The following SCARA3 variants were observed in gnomAD, a reference collection of about 807,000 sequenced individuals.
The protein encoded by SCARA3 is cellular stress response gene protein.
Under a neutral mutation model 47.0 loss-of-function variants are expected in SCARA3, and 39 were observed. The observed-to-expected ratio is 0.83, with a 90% CI of 0.64 to 1.08. The LOEUF is 1.08. Ranked by LOEUF, SCARA3 falls within the 50% of genes least tolerant of loss-of-function variation. SCARA3 has a pLI of 0.00. For synonymous variants in SCARA3, 356 were observed against 334.1 expected (o/e 1.07, Z -0.71); for missense variants, 724 against 792.3 (o/e 0.91, Z 1.04).
At chr8:27,715,078 C>G in the SCARA3 span, among the ~76,000 whole-genome samples, 3 of 152,220 alleles carry the variant, frequency 2.0e-5, no homozygotes, top group East Asian at 5.8e-4. The surrounding 1 kb of genome is among the most constrained non-coding windows in gnomAD (Gnocchi z 4.2). Flanking sequence ...AGCCACCATG[C>G]CTGGCTAAAT....
At chr8:27,660,693 TGATA>T (rs200533534) in intron 5 of SCARA3, among the ~76,000 whole-genome samples, 7,663 of 89,308 alleles carry the variant, frequency 0.086, 252 homozygotes, top group East Asian at 0.13. Flanking sequence ...GAGTGATAGA[TGATA>T]GATAGATAGA....
chr8:27,722,918 T>C, the SCARA3 span, among the ~76,000 whole-genome samples: 1 of 152,160 alleles, frequency 6.6e-6, no homozygotes, highest in Non-Finnish European at 1.5e-5. Context: ...TGACTTCAGG[T>C]GATATGGCCG....
At chr8:27,678,761 A>G (rs184420906), downstream of SCARA3, among the ~76,000 whole-genome samples, 183 of 152,348 alleles carry the variant, frequency 1.2e-3, no homozygotes, top group Non-Finnish European at 1.8e-3. Flanking sequence ...GAAATTATAA[A>G]CTGGTATCCT....
chr8:27,696,292 G>A, the SCARA3 span, among the ~76,000 whole-genome samples: 5 of 152,250 alleles, frequency 3.3e-5, no homozygotes, highest in Non-Finnish European at 5.9e-5. Flanking sequence ...TTACAAGCAT[G>A]AGCCATCATG....
the SCARA3 span, among the ~76,000 whole-genome samples, chr8:27,693,510 G>A: frequency 6.6e-6 from 1 of 152,276 alleles, no homozygotes; most frequent in African/African-American, 2.4e-5. Context: ...GATTTGAGCT[G>A]GAGAGATGTT....
At chr8:27,635,630 T>TC (rs1458159270) in intron 1 of SCARA3, among the ~76,000 whole-genome samples, 1 of 151,684 alleles carries the variant, frequency 6.6e-6, no homozygotes, top group Non-Finnish European at 1.5e-5. Flanking sequence ...GATTTTTTTT[T>TC]TTTTTGATAG....
chr8:27,656,990 G>A, intron 4 of SCARA3, 110 bp downstream of exon 4: 2 of 721,210 alleles, frequency 2.8e-6, no homozygotes, highest in East Asian at 2.6e-5. Flanking sequence ...AGCCTTCTAG[G>A]CACAGAGGCT....
In SCARA3 at chr8:27,658,748, G is replaced by A. The variant is rs1801816655; in HGVS notation, c.578G>A (p.Arg193Lys). ...QSLGLFLAQVRGWQATTAGLD... is the reference protein window; with the variant it reads ...QSLGLFLAQVKGWQATTAGLD... The stretch of plus-strand genomic sequence containing the variant: ...CTGGGGCTCTTCCTGGCCCAGGTGA[G>A]AGGCTGGCAGGCCACCACAGCTGGC... Residue 193 changes from arginine to lysine, a missense_variant, in exon 5 of 6, where the codon AGA (arginine) becomes AAA (lysine). By Grantham distance (26) the Arg-to-Lys change is conservative (BLOSUM62 2). Transcript: ENST00000301904. 2 of 1,614,108 alleles carry A rather than the reference G, an allele frequency of 1.2e-6. No homozygotes were observed. Among genetic ancestry groups the A allele is most frequent in the East Asian group, 4.5e-5 (2 of 44,874 alleles).
intron 1 of SCARA3, 123 bp downstream of exon 1, chr8:27,634,330 T>C: frequency 1.2e-6 from 1 of 861,398 alleles, no homozygotes; most frequent in Non-Finnish European, 1.5e-6. Context: ...CTCTGGCTTT[T>C]CCCCTGCCTT....
rs202229371 is a variant in SCARA3 at position 27,671,186 on chromosome 8, G to T, written c.1656G>T (p.Pro552=). 1 of 1,515,760 alleles carries T rather than the reference G, an allele frequency of 6.6e-7. No homozygotes were observed. Among genetic ancestry groups the T allele is most frequent in the Middle Eastern group, 2.1e-4 (1 of 4,680 alleles). The allele number at this position is 1,515,760 out of a possible 1,614,324, so 93.9% of individuals were successfully genotyped here. Residue 552 remains proline (P), a synonymous_variant, in exon 6 of 6, where the codon CCG becomes CCT. Coordinates refer to ENST00000301904, the MANE Select transcript of SCARA3 (RefSeq NM_016240.3). Reference sequence around the variant, plus strand: ...GGCCCCCAGGGCCAGAAGGGCCCCCGGGGTCTCCAGGGCCCTCAGGGCCTC... The same window carrying T: ...GGCCCCCAGGGCCAGAAGGGCCCCCTGGGTCTCCAGGGCCCTCAGGGCCTC... ...DIGPPGPEGP[P]GSPGPSGPQG...
Position 27,639,949 on chromosome 8 carries a change from G to A in SCARA3, c.7+5742G>A, listed in dbSNP as rs183095530. 3.3e-5 allele frequency among the ~76,000 whole-genome samples: 5 copies of A among 152,198 alleles called. No individual in the cohort carries two copies. The East Asian group carries it at 5.8e-4, about 18-fold the overall frequency. On this transcript the variant is annotated intron_variant, in intron 1 of 5. Coordinates refer to ENST00000301904, the MANE Select transcript of SCARA3 (RefSeq NM_016240.3). Reference sequence around the variant, plus strand: ...GGCTGAGTGGATCAGAAGCAAAGGCGCAGGAGGAGCTGTGTCCTTAGAGTG... The same window carrying A: ...GGCTGAGTGGATCAGAAGCAAAGGCACAGGAGGAGCTGTGTCCTTAGAGTG...
At chr8:27,723,296 C>A in the SCARA3 span, among the ~76,000 whole-genome samples, 4 of 152,204 alleles carry the variant, frequency 2.6e-5, no homozygotes, top group African/African-American at 4.8e-5. Context: ...TCTTTCTTCT[C>A]TCCTGTTCCT....
At chr8:27,726,817 A>C in the SCARA3 span, among the ~76,000 whole-genome samples, 1 of 151,856 alleles carries the variant, frequency 6.6e-6, no homozygotes, top group Non-Finnish European at 1.5e-5. Context: ...ATGCGGTCTC[A>C]CTCTGTCACC....
the SCARA3 span, among the ~76,000 whole-genome samples, chr8:27,705,547 C>T: frequency 6.6e-6 from 1 of 152,242 alleles, no homozygotes; most frequent in Non-Finnish European, 1.5e-5. Context: ...GCTGGGTGAC[C>T]TTGAGTAATT....
chr8:27,659,619 T>C (rs984877401), intron 5 of SCARA3, 80 bp downstream of exon 5: 1 of 1,277,200 alleles, frequency 7.8e-7, no homozygotes, highest in African/African-American at 1.5e-5. Flanking sequence ...AAGTACCTGG[T>C]TTTAGGCAAA....
At chr8:27,729,377 A>G in the SCARA3 span, among the ~76,000 whole-genome samples, 4 of 152,180 alleles carry the variant, frequency 2.6e-5, no homozygotes, top group South Asian at 2.1e-4. Flanking sequence ...TCACCCTCCC[A>G]CAGGTGTTAC....
rs548948518 is a variant in SCARA3, at chr8:27,663,108, T to C, written c.1369+3569T>C. Among the ~76,000 whole-genome samples the C allele has an allele frequency of 2.0e-5, 3 of 152,348 alleles. No homozygotes were observed. The South Asian group carries it at 6.2e-4, about 32-fold the overall frequency. On this transcript the variant is annotated intron_variant, in intron 5 of 5. Transcript: ENST00000301904. ...CAGCCAAACAATTGGCCACAGCCCA[T>C]GGATCAGTACATAGTCACACATCTG... is the stretch of plus-strand genomic sequence containing the variant.
the SCARA3 span, chr8:27,701,302 T>C: frequency 1.3e-5 from 2 of 152,100 alleles, no homozygotes; most frequent in Non-Finnish European, 2.9e-5. Context: ...AAAAGAGAAA[T>C]AGGGAAGTTT....
Position 27,671,688 on chromosome 8 carries a change from A to T in SCARA3, c.*337A>T, listed in dbSNP as rs1448961412. 1.9e-6 allele frequency: 2 copies of T among 1,077,366 alleles called. No homozygotes were observed. Among genetic ancestry groups the T allele is most frequent in the East Asian group, 1.0e-4 (2 of 19,434 alleles). 66.7% of individuals were successfully genotyped at this position (1,077,366 alleles called of 1,614,324 possible). A position where few individuals can be genotyped will look rare whatever the true frequency, so the allele number is the denominator to read the frequency against. On this transcript the variant is annotated 3_prime_UTR_variant, in exon 6 of 6. Transcript: ENST00000301904. ...CACACATGCACACATACACGTGCACACATACACAGGCACACATGCATGCAC... is the reference window on the plus strand; with the variant it reads ...CACACATGCACACATACACGTGCACTCATACACAGGCACACATGCATGCAC...
Sources: allele counts gnomAD v4.1 joint callset (sites outside exome capture counted in the v4.1 genomes callset), GRCh38; gene constraint gnomAD v4.1.1; non-coding constraint Gnocchi (gnomAD v3.1); transcripts MANE v1.5; gene names NCBI Gene and HGNC (gene_info 2026-07-23, HGNC 2026-07-21).